The following IMMP2L variants were observed in gnomAD, a reference collection of about 807,000 sequenced individuals.
IMMP2L encodes mitochondrial inner membrane protease subunit 2.
In IMMP2L, 18 loss-of-function variants were observed where a neutral mutation model predicts 19.3. That is an observed-to-expected ratio of 0.93 (90% CI 0.64 to 1.38). The LOEUF is 1.38. Among genes scored for constraint, IMMP2L ranks in the 40% most tolerant of loss-of-function variants. The pLI, the probability that IMMP2L is intolerant of heterozygous loss-of-function variation, is 0.00. For synonymous variants in IMMP2L, 76 were observed against 73.0 expected (o/e 1.04, Z -0.21); for missense variants, 233 against 218.2 (o/e 1.07, Z -0.43).
chr7:111,133,589 A>G (rs989850790), intron 3 of IMMP2L, among the ~76,000 whole-genome samples: 1 of 152,032 alleles, frequency 6.6e-6, no homozygotes, highest in African/African-American at 2.4e-5. Context: ...TAACCATGTT[A>G]GAAACCAATA....
intron 3 of IMMP2L, among the ~76,000 whole-genome samples, chr7:111,433,780 A>G (rs1008157240): frequency 6.6e-6 from 1 of 151,964 alleles, no homozygotes; most frequent in Admixed American, 6.5e-5. Context: ...AATACTGATG[A>G]AAGAAAGTGT....
rs528537440 is a variant in IMMP2L, at chr7:111,131,771, CAG to C, written c.240-168208_240-168207del. Among the ~76,000 whole-genome samples, 17 of 151,902 alleles carry C rather than the reference CAG, an allele frequency of 1.1e-4. No homozygotes were observed. In the South Asian group the frequency reaches 3.1e-3, roughly 28 times the overall value. On this transcript the variant is annotated intron_variant, in intron 3 of 5. Transcript: ENST00000405709. ...AACATTCCAATTTATATATCAGTCT[CAG>C]AGAAGTATTTAAGTATTTTTCCCCA...
chr7:110,668,299 T>A (rs1383211466), intron 5 of IMMP2L, among the ~76,000 whole-genome samples: 1 of 152,212 alleles, frequency 6.6e-6, no homozygotes, highest in Admixed American at 6.5e-5. Flanking sequence ...TTCCAGGAAA[T>A]ACTTCCCTAG....
intron 5 of IMMP2L, among the ~76,000 whole-genome samples, chr7:110,832,567 G>T (rs1804069108): frequency 6.6e-6 from 1 of 152,028 alleles, no homozygotes; most frequent in South Asian, 2.1e-4. Flanking sequence ...GGTGACCATT[G>T]GTGAACTCAG....
At chr7:111,028,540 T>G (rs748552242) in intron 3 of IMMP2L, among the ~76,000 whole-genome samples, 13 of 152,240 alleles carry the variant, frequency 8.5e-5, no homozygotes, top group Admixed American at 2.0e-4. Flanking sequence ...GAAAAAGCTA[T>G]GTAGTTTATT....
At chr7:111,121,437 C>A (rs910372291) in intron 3 of IMMP2L, among the ~76,000 whole-genome samples, 7 of 152,080 alleles carry the variant, frequency 4.6e-5, no homozygotes, top group African/African-American at 1.7e-4. Context: ...ACAGACAATT[C>A]TCAAAAGAAG....
intron 3 of IMMP2L, among the ~76,000 whole-genome samples, chr7:110,976,633 T>A (rs1352668292): frequency 6.6e-6 from 1 of 152,028 alleles, no homozygotes; most frequent in Admixed American, 6.6e-5. Context: ...AGTTTATAGA[T>A]CAGTGGTCCT....
intron 3 of IMMP2L, among the ~76,000 whole-genome samples, chr7:111,485,845 A>C (rs1842611980): frequency 6.6e-6 from 1 of 152,002 alleles, no homozygotes; most frequent in Non-Finnish European, 1.5e-5. Flanking sequence ...TTATCTATTT[A>C]AGTCCACTTG....
chr7:111,264,484 A>G (rs1817633941), intron 3 of IMMP2L, among the ~76,000 whole-genome samples: 1 of 152,176 alleles, frequency 6.6e-6, no homozygotes, highest in African/African-American at 2.4e-5. Flanking sequence ...CTTGCCCTGC[A>G]GAAACTAATT....
intron 3 of IMMP2L, among the ~76,000 whole-genome samples, chr7:111,307,150 ACTTAGTAC>A (rs1822974223): frequency 6.6e-6 from 1 of 151,502 alleles, no homozygotes; most frequent in African/African-American, 2.4e-5. Flanking sequence ...GGGTTAGAAA[ACTTAGTAC>A]CTTACTTTTG....
intron 3 of IMMP2L, among the ~76,000 whole-genome samples, chr7:111,387,807 C>T (rs1242335116): frequency 6.6e-6 from 1 of 151,618 alleles, no homozygotes; most frequent in Non-Finnish European, 1.5e-5. Flanking sequence ...GAAACCTCAT[C>T]TCTACTAAAA....
intron 3 of IMMP2L, among the ~76,000 whole-genome samples, chr7:111,008,197 A>G (rs1824516538): frequency 6.6e-6 from 1 of 152,034 alleles, no homozygotes; most frequent in Admixed American, 6.6e-5. Context: ...TCAAATTGTT[A>G]TATTCCTTTG....
At chr7:111,242,851 T>C (rs1394282161) in intron 3 of IMMP2L, among the ~76,000 whole-genome samples, 2 of 152,074 alleles carry the variant, frequency 1.3e-5, no homozygotes, top group African/African-American at 4.8e-5. Flanking sequence ...AATTAAGATT[T>C]TGGACTCCGA....
intron 3 of IMMP2L, among the ~76,000 whole-genome samples, chr7:111,084,863 TGAG>T (rs765742148): frequency 5.9e-5 from 9 of 152,110 alleles, no homozygotes; most frequent in East Asian, 1.9e-4. Context: ...AAACTTAATG[TGAG>T]GAGAACAGAG....
intron 3 of IMMP2L, among the ~76,000 whole-genome samples, chr7:111,466,764 T>G (rs1392954372): frequency 6.6e-6 from 1 of 152,172 alleles, no homozygotes; most frequent in Non-Finnish European, 1.5e-5. Flanking sequence ...AAAAACTGTC[T>G]GTACTAAACA....
chr7:111,323,010 C>T (rs1481816943), intron 3 of IMMP2L, among the ~76,000 whole-genome samples: 1 of 151,526 alleles, frequency 6.6e-6, no homozygotes. Flanking sequence ...TTTGCAAACT[C>T]TTCACTGTAA....
chr7:111,542,241 A>G (rs1848562327), intron 1 of IMMP2L, among the ~76,000 whole-genome samples: 1 of 152,168 alleles, frequency 6.6e-6, no homozygotes, highest in Non-Finnish European at 1.5e-5. Flanking sequence ...TGAATGAAGC[A>G]TTAATTGGGA....
chr7:110,834,259 T>C (rs765984435), intron 5 of IMMP2L, among the ~76,000 whole-genome samples: 1 of 152,192 alleles, frequency 6.6e-6, no homozygotes, highest in Non-Finnish European at 1.5e-5. Context: ...ACATTCAGTT[T>C]AGACTATCAC....
Position 111,277,067 on chromosome 7 carries a change from G to A in IMMP2L, c.239+210171C>T, listed in dbSNP as rs12530518. Among the ~76,000 whole-genome samples the A allele has an allele frequency of 2.2e-3, 342 of 152,154 alleles. 2 individuals are homozygous for A. Among genetic ancestry groups the A allele is most frequent in the Admixed American group, 4.9e-3 (75 of 15,264 alleles). ...ACATTGGCCTAGGCAAATACTTTAT[G>A]ACCAAGTTCTCAAAAGCAAAAGCGA... On this transcript the variant is annotated intron_variant, in intron 3 of 5. Coordinates refer to ENST00000405709, the MANE Select transcript of IMMP2L (RefSeq NM_032549.4).
Sources: allele counts gnomAD v4.1 joint callset (sites outside exome capture counted in the v4.1 genomes callset), GRCh38; gene constraint gnomAD v4.1.1; transcripts MANE v1.5; gene names NCBI Gene and HGNC (gene_info 2026-07-23, HGNC 2026-07-21).